The following COL21A1 variants were observed in gnomAD, a reference collection of about 807,000 sequenced individuals.
COL21A1 encodes collagen alpha-1(XXI) chain.
Under a neutral mutation model 137.9 loss-of-function variants are expected in COL21A1, and 149 were observed. The ratio of observed to expected loss-of-function variants is 1.08; its 90% CI spans 0.95 to 1.24. The LOEUF (loss-of-function observed/expected upper bound fraction) is 1.24. COL21A1 is among the 50% of genes most tolerant of loss of function. The pLI is 0.00. For synonymous variants in COL21A1, 456 were observed against 391.5 expected (o/e 1.16, Z -1.95); for missense variants, 1,167 against 1,158.4 (o/e 1.01, Z -0.11).
chr6:56,338,677 A>T (rs1178971565), intron 1 of COL21A1, among the ~76,000 whole-genome samples: 1 of 152,216 alleles, frequency 6.6e-6, no homozygotes, highest in Non-Finnish European at 1.5e-5. Flanking sequence ...GTTGTATAAC[A>T]GGCCAGGGCT....
Position 56,124,270 on chromosome 6 carries a change from T to G in COL21A1, c.1673A>C (p.Asn558Thr), listed in dbSNP as rs1335874239. Residue 558 changes from asparagine to threonine, a missense_variant, in exon 15 of 30, where the codon AAT becomes ACT. Coordinates refer to ENST00000244728, the MANE Select transcript of COL21A1 (RefSeq NM_030820.4). The stretch of plus-strand genomic sequence containing the variant: ...TCCAGGGAGGCCAGGGAAGCCAGCA[T>G]TCCCCTTTTCACCTTTTGCACCCTG... ...GKKGAKGEKG[N>T]AGFPGLPGPA... 6.2e-7 allele frequency: 1 copy of G among 1,604,488 alleles called. No individual in the cohort carries two copies. Among genetic ancestry groups the G allele is most frequent in the Admixed American group, 1.7e-5 (1 of 58,860 alleles).
chr6:56,200,751 C>T (rs924574076), intron 1 of COL21A1, among the ~76,000 whole-genome samples: 1 of 152,014 alleles, frequency 6.6e-6, no homozygotes, highest in Non-Finnish European at 1.5e-5. Flanking sequence ...GTGAATAGTG[C>T]TGCAATAAAC....
At chr6:56,176,575 A>T (rs1485297304) in intron 3 of COL21A1, among the ~76,000 whole-genome samples, 2 of 144,928 alleles carry the variant, frequency 1.4e-5, no homozygotes, top group African/African-American at 5.1e-5. Context: ...GTTACCTCAT[A>T]CATGTTAGGC....
intron 1 of COL21A1, among the ~76,000 whole-genome samples, chr6:56,387,408 A>G (rs1215720359): frequency 2.0e-5 from 3 of 152,176 alleles, no homozygotes; most frequent in Non-Finnish European, 1.5e-5. Context: ...CTGAAAGAAC[A>G]TCTAATTGAA....
At chr6:56,184,235 T>A (rs1003776763) in intron 1 of COL21A1, among the ~76,000 whole-genome samples, 4 of 152,096 alleles carry the variant, frequency 2.6e-5, no homozygotes, top group African/African-American at 9.7e-5. Flanking sequence ...ATACATCATA[T>A]TCAATCAACT....
chr6:56,260,749 A>C (rs1305731515), intron 1 of COL21A1, among the ~76,000 whole-genome samples: 1 of 151,428 alleles, frequency 6.6e-6, no homozygotes, highest in Non-Finnish European at 1.5e-5. Context: ...GGAAGGAAGG[A>C]AGGAATCAAT....
intron 1 of COL21A1, among the ~76,000 whole-genome samples, chr6:56,186,111 A>T (rs182588157): frequency 2.0e-4 from 30 of 152,320 alleles, no homozygotes; most frequent in African/African-American, 7.0e-4. Flanking sequence ...TCTAAAACAA[A>T]ATACTAGCTA....
chr6:56,281,016 A>AT (rs11423427), intron 1 of COL21A1, among the ~76,000 whole-genome samples: 5,880 of 152,194 alleles, frequency 0.039, 374 homozygotes, highest in African/African-American at 0.13. Context: ...AAAAATAAAG[A>AT]TAAAAAAAGT....
intron 12 of COL21A1, among the ~76,000 whole-genome samples, chr6:56,127,833 CTT>C (rs764525326): frequency 6.6e-6 from 1 of 152,120 alleles, no homozygotes; most frequent in East Asian, 1.9e-4. Context: ...AGATCTTCCT[CTT>C]GTTTCCAGTG....
intron 17 of COL21A1, among the ~76,000 whole-genome samples, chr6:56,100,357 C>T (rs1770345288): frequency 6.6e-6 from 1 of 152,118 alleles, no homozygotes; most frequent in South Asian, 2.1e-4. Context: ...TTAGAATAGC[C>T]CCATGCATTT....
At chr6:56,095,164 A>G (rs1158799293) in intron 17 of COL21A1, among the ~76,000 whole-genome samples, 1 of 152,144 alleles carries the variant, frequency 6.6e-6, no homozygotes, top group Admixed American at 6.6e-5. Context: ...CAAAATATAG[A>G]CCTTCTCTTT....
At chr6:56,129,699 T>TGTGTGA (rs1450514214) in intron 12 of COL21A1, among the ~76,000 whole-genome samples, 3,326 of 120,340 alleles carry the variant, frequency 0.028, 129 homozygotes, top group African/African-American at 0.085. Flanking sequence ...TGTGTGTGTG[T>TGTGTGA]GAGAGAGAGA....
At chr6:56,073,886 A>G (rs1394339706) in intron 20 of COL21A1, among the ~76,000 whole-genome samples, 1 of 151,476 alleles carries the variant, frequency 6.6e-6, no homozygotes. Flanking sequence ...ATATTGTAAG[A>G]GATATTCTTA....
intron 1 of COL21A1, among the ~76,000 whole-genome samples, chr6:56,355,901 C>A (rs1254416392): frequency 6.6e-6 from 1 of 152,170 alleles, no homozygotes; most frequent in Non-Finnish European, 1.5e-5. Flanking sequence ...ACTCATTACT[C>A]TCCTAAACAT....
intron 1 of COL21A1, among the ~76,000 whole-genome samples, chr6:56,377,914 T>A (rs988948407): frequency 6.6e-6 from 1 of 152,114 alleles, no homozygotes; most frequent in South Asian, 2.1e-4. Flanking sequence ...GTCAGAGTCA[T>A]GAGGTCCCGT....
intron 1 of COL21A1, among the ~76,000 whole-genome samples, chr6:56,303,527 CTGTT>C (rs1474833564): frequency 6.6e-6 from 1 of 152,136 alleles, no homozygotes; most frequent in Non-Finnish European, 1.5e-5. Context: ...ATTTGACTCT[CTGTT>C]TGTCTGTTAT....
chr6:56,382,593 A>T (rs1262944375), intron 1 of COL21A1, among the ~76,000 whole-genome samples: 1 of 152,102 alleles, frequency 6.6e-6, no homozygotes, highest in Admixed American at 6.5e-5. Flanking sequence ...AGAGGCAGTA[A>T]TCTGATAGGA....
intron 2 of COL21A1, among the ~76,000 whole-genome samples, chr6:56,182,133 C>A (rs1256539116): frequency 6.6e-6 from 1 of 152,106 alleles, no homozygotes; most frequent in Admixed American, 6.6e-5. Context: ...TATAGGCAAG[C>A]TTTCCTACAA....
intron 3 of COL21A1, among the ~76,000 whole-genome samples, chr6:56,172,437 C>T (rs1418499207): frequency 6.6e-6 from 1 of 152,074 alleles, no homozygotes; most frequent in East Asian, 1.9e-4. Flanking sequence ...CAGAACTGTT[C>T]TTCAAAAATG....
Sources: allele counts gnomAD v4.1 joint callset (sites outside exome capture counted in the v4.1 genomes callset), GRCh38; gene constraint gnomAD v4.1.1; transcripts MANE v1.5; gene names NCBI Gene and HGNC (gene_info 2026-07-23, HGNC 2026-07-21).